UMODL1: variants seen among roughly 807,000 people sequenced by gnomAD.
UMODL1 encodes the protein uromodulin like 1, also known as uromodulin-like 1.
In UMODL1, 128 loss-of-function variants were observed where a neutral mutation model predicts 136.3. The ratio of observed to expected loss-of-function variants is 0.94; its 90% confidence interval spans 0.81 to 1.09. The LOEUF is 1.09. Ranked by LOEUF, UMODL1 falls within the 50% of genes least tolerant of loss-of-function variation. UMODL1 has a pLI of 0.00. For synonymous variants in UMODL1, 721 were observed against 720.0 expected (o/e 1.00, Z -0.02); for missense variants, 1,766 against 1,725.6 (o/e 1.02, Z -0.41).
rs2067068718 is a variant in UMODL1 at position 42,127,159 on chromosome 21, C to A, written c.3447C>A (p.Asn1149Lys). 2.5e-6 allele frequency: 4 copies of A among 1,614,086 alleles called. No homozygotes were observed. The highest frequency in any genetic ancestry group is 3.3e-5 in the Admixed American group (2 of 60,010). Reference protein sequence around the residue: ...IEVGLYRQKSNLKVVLTECWA... With the variant: ...IEVGLYRQKSKLKVVLTECWA... ...TGGGGCTCTACAGGCAGAAAAGCAA[C>A]CTCAAGGTGGTCCTGACGGAGTGCT... The change falls in exon 19 of 23, where the codon AAC (asparagine) becomes AAA (lysine). Residue 1149 changes from asparagine (N) to lysine (K), a missense_variant. Physicochemically the swap from Asn to Lys is moderately conservative, Grantham distance 94 (BLOSUM62 0). Transcript: ENST00000408910.
chr21:42,119,578 G>A (rs995324040), intron 15 of UMODL1, among the ~76,000 whole-genome samples: 3 of 152,124 alleles, frequency 2.0e-5, no homozygotes, highest in Admixed American at 2.0e-4. Flanking sequence ...CTTTCTTTCC[G>A]GGTCGACTGC....
At position 42,111,494 on chromosome 21, in the gene UMODL1, C is replaced by G; in HGVS notation, c.1900-12C>G. The G allele has an allele frequency of 6.2e-7, 1 of 1,613,796 alleles. No individual in the cohort carries two copies. Among genetic ancestry groups the G allele is most frequent in the East Asian group, 2.2e-5 (1 of 44,878 alleles). ...TGGGGCCACAGATGGCCCACTGGCC[C>G]TCCCTGGACAGCTACAGGGAAACTC... On this transcript the variant is annotated splice_polypyrimidine_tract_variant and intron_variant, in intron 11 of 22. Coordinates refer to ENST00000408910, the MANE Select transcript of UMODL1 (RefSeq NM_001004416.3).
At chr21:42,107,896 T>C (rs1392339292) in intron 9 of UMODL1, among the ~76,000 whole-genome samples, 1 of 152,182 alleles carries the variant, frequency 6.6e-6, no homozygotes, top group Non-Finnish European at 1.5e-5. Context: ...GCTCAGCCCT[T>C]GTCCCAGCTG....
intron 21 of UMODL1, among the ~76,000 whole-genome samples, chr21:42,135,232 T>C (rs923535541): frequency 2.0e-5 from 3 of 152,244 alleles, no homozygotes; most frequent in Non-Finnish European, 2.9e-5. Context: ...ATGCCCTGTT[T>C]GGCAGGATGC....
At chr21:42,087,314 A>G (rs1041023587) in intron 4 of UMODL1, among the ~76,000 whole-genome samples, 1 of 152,098 alleles carries the variant, frequency 6.6e-6, no homozygotes, top group African/African-American at 2.4e-5. Context: ...ATGCTAAATT[A>G]TGAGCTGCAT....
At position 42,099,440 on chromosome 21, in the gene UMODL1, T is replaced by C. The variant is rs191768931; in HGVS notation, c.1186+260T>C. Among the ~76,000 whole-genome samples the C allele has an allele frequency of 2.8e-3, 422 of 152,100 alleles. 2 individuals are homozygous for C. The highest frequency in any genetic ancestry group is 9.6e-3 in the African/African-American group (397 of 41,470). Reference sequence around the variant, plus strand: ...CGTTCTGCCGTGTGAGGGGACAACATGTGGACTCAGAAGCACCAATAAGGC... The same window carrying C: ...CGTTCTGCCGTGTGAGGGGACAACACGTGGACTCAGAAGCACCAATAAGGC... On this transcript the variant is annotated intron_variant, in intron 7 of 22. Transcript: ENST00000408910. The surrounding 1 kb of genome is among the most constrained non-coding windows in gnomAD (Gnocchi z 4.1).
chr21:42,071,778 G>A (rs1184931304), intron 1 of UMODL1, among the ~76,000 whole-genome samples: 2 of 151,514 alleles, frequency 1.3e-5, no homozygotes. Context: ...TCCTACAGAC[G>A]CAGAAGAAAG....
chr21:42,094,117 C>T, intron 6 of UMODL1: 1 of 378,776 alleles, frequency 2.6e-6, no homozygotes, highest in Non-Finnish European at 5.4e-6. Context: ...TCACACTCTG[C>T]CGTGTTGCTT....
At chr21:42,138,015 C>T (rs1346905016) in intron 22 of UMODL1, among the ~76,000 whole-genome samples, 4 of 152,212 alleles carry the variant, frequency 2.6e-5, no homozygotes, top group South Asian at 4.2e-4. Flanking sequence ...TCGATCGCTT[C>T]ACACACCCAC....
rs767770094 is a variant in UMODL1, at chr21:42,085,524, A to C, written c.603+112A>C. ...GGGGTTGGGGAGGGTGATGTTCCCC[A>C]AATGGCCCCAAATGACTGACTCTGA... On this transcript the variant is annotated intron_variant, in intron 4 of 22. Coordinates refer to ENST00000408910, the MANE Select transcript of UMODL1 (RefSeq NM_001004416.3). This position sits in a 1 kb window ranked among gnomAD's most constrained non-coding sequence, Gnocchi z 4.5. 2.3e-5 allele frequency: 35 copies of C among 1,508,006 alleles called. No homozygotes were observed. The highest frequency in any genetic ancestry group is 3.1e-5 in the Non-Finnish European group (34 of 1,110,350). 93.4% of individuals were successfully genotyped at this position (1,508,006 alleles called of 1,614,324 possible). A position where few individuals can be genotyped will look rare whatever the true frequency, so the allele number is the denominator to read the frequency against.
chr21:42,109,634 C>T lies in UMODL1; in HGVS notation c.1592C>T (p.Ser531Phe), dbSNP rs773859271. The T allele has an allele frequency of 6.2e-6, 10 of 1,610,000 alleles. No individual in the cohort carries two copies. The South Asian group carries it at 9.9e-5, about 16-fold the overall frequency. The change falls in exon 10 of 23, where the codon TCC becomes TTC. Residue 531 changes from serine to phenylalanine, a missense_variant. Coordinates refer to ENST00000408910, the MANE Select transcript of UMODL1 (RefSeq NM_001004416.3). ...PAAWCINLEG[S>F]YTCQCRTTRD... is the part of the protein sequence containing the mutation. ...GCCTGGTGCATCAACCTGGAGGGCT[C>T]CTACACCTGCCAGTGCCGTACCACC...
chr21:42,066,343 C>T (rs774835969), upstream of UMODL1, among the ~76,000 whole-genome samples: 9 of 152,194 alleles, frequency 5.9e-5, no homozygotes, highest in Non-Finnish European at 8.8e-5. Context: ...AGTGCGGTGG[C>T]GCAATCTCGG....
chr21:42,084,298 G>A (rs1601188667), intron 3 of UMODL1, 53 bp downstream of exon 3: 1 of 1,594,076 alleles, frequency 6.3e-7, no homozygotes, highest in Non-Finnish European at 8.5e-7. Flanking sequence ...GGGTCTCGGT[G>A]AGGCCTGATC....
chr21:42,115,546 C>T (rs2066891705), intron 13 of UMODL1, among the ~76,000 whole-genome samples: 2 of 152,168 alleles, frequency 1.3e-5, no homozygotes, highest in African/African-American at 4.8e-5. Context: ...CAAGTCATGC[C>T]AGCTTGCTGG....
chr21:42,127,766 T>C lies in UMODL1; in HGVS notation c.3625T>C (p.Ser1209Pro). The change falls in exon 20 of 23, where the codon TCC becomes CCC. Residue 1209 changes from serine to proline, a missense_variant. Physicochemically the swap from Ser to Pro is moderately conservative, Grantham distance 74 (BLOSUM62 -1). Transcript: ENST00000408910. ...KLRIFSFINDSIVYLHCKLRV... is the reference protein window; with the variant it reads ...KLRIFSFINDPIVYLHCKLRV... ...GAGGATCTTTTCCTTTATCAACGAC[T>C]CCATCGTCTACCTGCACTGCAAACT... is the stretch of plus-strand genomic sequence containing the variant. 2 of 1,614,180 alleles carry C rather than the reference T, an allele frequency of 1.2e-6. No homozygotes were observed. The highest frequency in any genetic ancestry group is 1.7e-6 in the Non-Finnish European group (2 of 1,180,028).
At chr21:42,065,515 C>A (rs1233408336) in intron 1 of UMODL1, among the ~76,000 whole-genome samples, 1 of 151,926 alleles carries the variant, frequency 6.6e-6, no homozygotes, top group Non-Finnish European at 1.5e-5. Flanking sequence ...TGGCCAAGGA[C>A]TGCACCAGAT....
In UMODL1 at chr21:42,104,018, G is replaced by C; in HGVS notation, c.1450G>C (p.Ala484Pro). 1 of 1,613,908 alleles carries C rather than the reference G, an allele frequency of 6.2e-7. No individual in the cohort carries two copies. Reference sequence around the variant, plus strand: ...GTTTCCCATGGGCATCTCCACGCTGGCCCCCATACTCCAGCCCCTGTTGGC... The same window carrying C: ...GTTTCCCATGGGCATCTCCACGCTGCCCCCCATACTCCAGCCCCTGTTGGC... ...PGFPMGISTL[A>P]PILQPLLAST... The change falls in exon 9 of 23, where the codon GCC (alanine) becomes CCC (proline). Residue 484 changes from alanine (A) to proline (P), a missense_variant. Coordinates refer to ENST00000408910, the MANE Select transcript of UMODL1 (RefSeq NM_001004416.3).
At chr21:42,130,991 C>A (rs372255017) in intron 21 of UMODL1, among the ~76,000 whole-genome samples, 1 of 151,972 alleles carries the variant, frequency 6.6e-6, no homozygotes, top group African/African-American at 2.4e-5. Flanking sequence ...TTTTTTGTAT[C>A]TTTAGTAGAG....
rs573168539 is a variant in UMODL1 at position 42,108,605 on chromosome 21, G to A, written c.1520-957G>A. On this transcript the variant is annotated intron_variant, in intron 9 of 22. Transcript: ENST00000408910. ...TCTCTGGCATGCCGGGTGTGGGTTC[G>A]TTCCCGAGCACCTCCACCCGCAGCT... The A allele has an allele frequency of 1.3e-3, 453 of 341,738 alleles. 3 individuals are homozygous for A. The highest frequency in any genetic ancestry group is 2.0e-3 in the Non-Finnish European group (347 of 170,524). 21.2% of individuals were successfully genotyped at this position (341,738 alleles called of 1,614,324 possible).
Sources: allele counts gnomAD v4.1 joint callset (sites outside exome capture counted in the v4.1 genomes callset), GRCh38; gene constraint gnomAD v4.1.1; non-coding constraint Gnocchi (gnomAD v3.1); transcripts MANE v1.5; gene names NCBI Gene and HGNC (gene_info 2026-07-23, HGNC 2026-07-21).